The following COL4A2 variants were observed in gnomAD, a reference collection of about 807,000 sequenced individuals.
COL4A2 encodes the protein collagen alpha-2(IV) chain.
A neutral mutation model predicts 200.2 loss-of-function variants in COL4A2; 99 were observed. That is an observed-to-expected ratio of 0.49 (90% CI 0.42 to 0.58). COL4A2 has a LOEUF of 0.58. Ranked by LOEUF, COL4A2 falls within the 20% of genes least tolerant of loss-of-function variation. COL4A2 has a pLI of 0.00. For missense variants in COL4A2, 1,950 were observed against 2,314.1 expected (o/e 0.84, Z 3.23); for synonymous variants, 897 against 900.6 (o/e 1.00, Z 0.07).
chr13:110,338,439 G>GC (rs986123760), intron 3 of COL4A2, among the ~76,000 whole-genome samples: 1 of 149,790 alleles, frequency 6.7e-6, no homozygotes, highest in Non-Finnish European at 1.5e-5. Flanking sequence ...GTGTGTGGGG[G>GC]GGGGTGGGGG....
At chr13:110,438,563 T>A in intron 14 of COL4A2, 55 bp from the exon 15 acceptor site, 2 of 1,610,000 alleles carry the variant, frequency 1.2e-6, no homozygotes, top group Non-Finnish European at 1.7e-6. Flanking sequence ...TGGGCCCTGT[T>A]GGCTGGAGGG....
At chr13:110,442,930 C>T (rs7987209) in intron 16 of COL4A2, among the ~76,000 whole-genome samples, 45,311 of 148,298 alleles carry the variant, frequency 0.31, 7,261 homozygotes, top group Middle Eastern at 0.47. Context: ...CACACCAACA[C>T]GCGTCGTGTT....
At chr13:110,409,899 A>G (rs1879762008) in intron 4 of COL4A2, among the ~76,000 whole-genome samples, 1 of 151,976 alleles carries the variant, frequency 6.6e-6, no homozygotes, top group African/African-American at 2.4e-5. Flanking sequence ...AACTGGAGAG[A>G]CGACAGACAA....
intron 27 of COL4A2, among the ~76,000 whole-genome samples, chr13:110,467,935 T>C (rs192327516): frequency 6.6e-6 from 1 of 152,238 alleles, no homozygotes; most frequent in African/African-American, 2.4e-5. Flanking sequence ...GGTAACTCAG[T>C]GTCACAAGCA....
chr13:110,457,859 C>T (rs957593613), intron 21 of COL4A2: 4 of 445,460 alleles, frequency 9.0e-6, no homozygotes, highest in African/African-American at 4.0e-5. Flanking sequence ...ATCCCTGGTC[C>T]TACTGAGACT....
intron 4 of COL4A2, among the ~76,000 whole-genome samples, chr13:110,422,298 G>T (rs1413786542): frequency 6.6e-6 from 1 of 152,190 alleles, no homozygotes; most frequent in Non-Finnish European, 1.5e-5. Flanking sequence ...TCAAAACATA[G>T]TTTGTTCCCA....
chr13:110,403,988 G>C (rs1879471090), intron 4 of COL4A2, among the ~76,000 whole-genome samples: 1 of 152,104 alleles, frequency 6.6e-6, no homozygotes, highest in Non-Finnish European at 1.5e-5. Context: ...ATGACGGAAG[G>C]GACAACAGGC....
intron 15 of COL4A2, among the ~76,000 whole-genome samples, chr13:110,438,931 C>T (rs761272161): frequency 6.6e-6 from 1 of 152,188 alleles, no homozygotes; most frequent in Non-Finnish European, 1.5e-5. Flanking sequence ...AGACGCGGCC[C>T]TCCCCGTGGA....
At chr13:110,314,486 C>A (rs1885080937) in intron 3 of COL4A2, among the ~76,000 whole-genome samples, 1 of 152,204 alleles carries the variant, frequency 6.6e-6, no homozygotes, top group African/African-American at 2.4e-5. Context: ...CCAAGCGAAG[C>A]CTGAGTAAAA....
chr13:110,370,056 C>T (rs777712950), intron 4 of COL4A2, among the ~76,000 whole-genome samples: 33 of 152,162 alleles, frequency 2.2e-4, no homozygotes, highest in East Asian at 1.7e-3. Context: ...ACTTTCTAGC[C>T]GCTGCCTGAT....
At chr13:110,485,127 A>G in intron 33 of COL4A2, 100 bp downstream of exon 33, 2 of 1,100,826 alleles carry the variant, frequency 1.8e-6, no homozygotes, top group South Asian at 2.0e-5. Context: ...CGTGCCCTCC[A>G]CCTGGCTTTC....
intron 13 of COL4A2, 129 bp downstream of exon 13, chr13:110,436,496 G>GA (rs1246844112): frequency 1.6e-6 from 2 of 1,262,516 alleles, no homozygotes; most frequent in African/African-American, 3.0e-5. Flanking sequence ...CATTACCCAT[G>GA]AAAACATAAC....
At chr13:110,355,226 A>G (rs1223037600) in intron 3 of COL4A2, among the ~76,000 whole-genome samples, 1 of 152,182 alleles carries the variant, frequency 6.6e-6, no homozygotes, top group Admixed American at 6.5e-5. Flanking sequence ...GCAGGCTGGC[A>G]GAGGCTGGCT....
chr13:110,485,681 G>C lies in COL4A2; in HGVS notation c.3052G>C (p.Gly1018Arg). The change falls in exon 34 of 48, where the codon GGG (glycine) becomes CGG (arginine). Residue 1018 changes from glycine (G) to arginine (R), a missense_variant. Transcript: ENST00000360467. ...KGIQGMPGIP[G>R]LSGIPGLPGR... ...TATCCAAGGAATGCCAGGCATCCCA[G>C]GGCTGTCAGGAATCCCTGGGCTGCC... 6.2e-7 allele frequency: 1 copy of C among 1,611,538 alleles called. No individual in the cohort carries two copies. The highest frequency in any genetic ancestry group is 8.5e-7 in the Non-Finnish European group (1 of 1,178,654).
chr13:110,330,713 A>G (rs1455285657), intron 3 of COL4A2, among the ~76,000 whole-genome samples: 2 of 152,234 alleles, frequency 1.3e-5, no homozygotes, highest in East Asian at 3.9e-4. Context: ...CTGTATCTAC[A>G]TGCAGCAGGG....
intron 10 of COL4A2, among the ~76,000 whole-genome samples, chr13:110,431,761 C>T (rs1380453825): frequency 6.6e-6 from 1 of 152,226 alleles, no homozygotes; most frequent in Non-Finnish European, 1.5e-5. Context: ...CTATCCACTC[C>T]TTTGTATCCA....
At chr13:110,466,954 G>A (rs1257695226) in intron 26 of COL4A2, 86 bp from the exon 27 acceptor site, 66 of 1,562,456 alleles carry the variant, frequency 4.2e-5, no homozygotes, top group Non-Finnish European at 5.1e-5. Flanking sequence ...TGCACAGCTC[G>A]TGCTTTTGCC....
chr13:110,398,180 A>G (rs1879248201), intron 4 of COL4A2, among the ~76,000 whole-genome samples: 1 of 134,078 alleles, frequency 7.5e-6, no homozygotes, highest in Non-Finnish European at 1.6e-5. Flanking sequence ...TTCTATTGCT[A>G]TTTTTACATG....
At chr13:110,465,707 G>C in intron 25 of COL4A2, 101 bp downstream of exon 25, 2 of 1,131,402 alleles carry the variant, frequency 1.8e-6, no homozygotes, top group Non-Finnish European at 2.5e-6. Flanking sequence ...TGAGGATGCT[G>C]TTTTGCCTCA....
Sources: allele counts gnomAD v4.1 joint callset (sites outside exome capture counted in the v4.1 genomes callset), GRCh38; gene constraint gnomAD v4.1.1; transcripts MANE v1.5; gene names NCBI Gene and HGNC (gene_info 2026-07-23, HGNC 2026-07-21).